Variants in MTERF4 observed in about 807,000 individuals in gnomAD.
MTERF4 encodes mitochondrial transcription termination factor 4.
In MTERF4, 17 loss-of-function variants were observed where a neutral mutation model predicts 22.5. That is an observed-to-expected ratio of 0.75 (90% CI 0.52 to 1.13). MTERF4 has a LOEUF of 1.13. MTERF4 is among the 50% of genes most tolerant of loss of function. The pLI, the probability that MTERF4 is intolerant of heterozygous loss-of-function variation, is 0.00. For synonymous variants in MTERF4, 165 were observed against 175.3 expected (o/e 0.94, Z 0.47); for missense variants, 420 against 466.8 (o/e 0.90, Z 0.92).
At chr2:241,100,211 A>G (rs1356227721) in intron 1 of MTERF4, among the ~76,000 whole-genome samples, 1 of 152,188 alleles carries the variant, frequency 6.6e-6, no homozygotes, top group African/African-American at 2.4e-5. Flanking sequence ...GTGCCAGAAA[A>G]GTCTGGACCT....
the MTERF4 span, chr2:241,063,443 T>C: frequency 3.0e-6 from 2 of 673,162 alleles, no homozygotes; most frequent in South Asian, 1.6e-5. Context: ...TTGGGGCTGA[T>C]GGAAGAAAAA....
chr2:241,063,436 G>T, the MTERF4 span: 1 of 664,040 alleles, frequency 1.5e-6, no homozygotes, highest in Non-Finnish European at 2.8e-6. Context: ...GGTGGGTTTG[G>T]GGCTGATGGA....
At chr2:241,070,447 C>A (rs1256771010), downstream of MTERF4, among the ~76,000 whole-genome samples, 2 of 152,236 alleles carry the variant, frequency 1.3e-5, no homozygotes, top group Non-Finnish European at 2.9e-5. Flanking sequence ...TCAGTTTGTG[C>A]CGGACCCTCC....
chr2:241,089,760 A>G (rs951441293), downstream of MTERF4, among the ~76,000 whole-genome samples: 3 of 152,246 alleles, frequency 2.0e-5, no homozygotes, highest in East Asian at 1.9e-4. Flanking sequence ...TTGTGAGGCA[A>G]TTTCATCTGG....
chr2:241,060,245 C>T, the MTERF4 span, among the ~76,000 whole-genome samples: 3 of 151,252 alleles, frequency 2.0e-5, no homozygotes, highest in Non-Finnish European at 4.4e-5. Flanking sequence ...TGCAGTGGCA[C>T]AATCTCGGCT....
downstream of MTERF4, chr2:241,087,720 G>A (rs2063657974): frequency 7.4e-7 from 1 of 1,351,010 alleles, no homozygotes; most frequent in Non-Finnish European, 9.5e-7. Context: ...CTCTGGTTAT[G>A]CATATTCACA....
the MTERF4 span, chr2:241,049,775 G>A: frequency 1.3e-6 from 2 of 1,501,454 alleles, no homozygotes; most frequent in Non-Finnish European, 1.9e-6. Flanking sequence ...CCGCACAGAT[G>A]CGGCGTAAGC....
the MTERF4 span, among the ~76,000 whole-genome samples, chr2:241,047,340 C>A: frequency 6.6e-6 from 1 of 152,054 alleles, no homozygotes; most frequent in Non-Finnish European, 1.5e-5. Flanking sequence ...CCTATTAACA[C>A]CTATTCACAT....
intron 4 of MTERF4, among the ~76,000 whole-genome samples, chr2:241,079,411 CAAAAAAA>C (rs757361914): frequency 1.3e-5 from 1 of 74,462 alleles, no homozygotes; most frequent in African/African-American, 4.6e-5. Flanking sequence ...GACTCCATCT[CAAAAAAA>C]AAAAAAAAAA....
chr2:241,042,688 A>G, the MTERF4 span, among the ~76,000 whole-genome samples: 8 of 152,234 alleles, frequency 5.3e-5, no homozygotes, highest in African/African-American at 9.6e-5. Context: ...ATTTTTAAAA[A>G]CTTGTAGAAA....
At chr2:241,060,807 T>G in the MTERF4 span, among the ~76,000 whole-genome samples, 4 of 152,052 alleles carry the variant, frequency 2.6e-5, no homozygotes, top group Admixed American at 2.6e-4. Flanking sequence ...GGCATGCACC[T>G]GTAGTCCCAG....
At chr2:241,045,510 A>G in the MTERF4 span, among the ~76,000 whole-genome samples, 1 of 152,154 alleles carries the variant, frequency 6.6e-6, no homozygotes, top group Admixed American at 6.5e-5. Flanking sequence ...AAATATAGCC[A>G]ATTAATTTTT....
chr2:241,095,086 TG>T (rs2064330097), downstream of MTERF4: 1 of 105,028 alleles, frequency 9.5e-6, no homozygotes, highest in Non-Finnish European at 2.2e-5. Context: ...ACACCCACCT[TG>T]GGGGGTCACG....
At chr2:241,088,178 G>C, downstream of MTERF4, 1 of 589,244 alleles carries the variant, frequency 1.7e-6, no homozygotes, top group East Asian at 2.9e-5. Context: ...ACTGCCTCAA[G>C]CCAGGCGGGC....
downstream of MTERF4, among the ~76,000 whole-genome samples, chr2:241,090,889 AAAG>A (rs1449209468): frequency 1.3e-5 from 2 of 152,030 alleles, no homozygotes; most frequent in African/African-American, 2.4e-5. Context: ...AAAAAAGAAA[AAAG>A]AATTCTGTAC....
the MTERF4 span, chr2:241,064,020 G>A: frequency 2.6e-6 from 4 of 1,552,972 alleles, no homozygotes; most frequent in Non-Finnish European, 1.7e-6. The surrounding 1 kb of genome is among the most constrained non-coding windows in gnomAD (Gnocchi z 7.0). Context: ...AGAGGTGGAC[G>A]CCTGCGACTC....
In MTERF4 at chr2:241,099,537, T is replaced by C. The variant is rs2064605695; in HGVS notation, c.379A>G (p.Ile127Val). 2 of 1,614,096 alleles carry C rather than the reference T, an allele frequency of 1.2e-6. No homozygotes were observed. Among genetic ancestry groups the C allele is most frequent in the African/African-American group, 1.3e-5 (1 of 74,932 alleles). ...CCCAAGAGAATAAATTCTGAAATGA[T>C]GTCCAGCAACTGTTGAAGACTGGCA... ...RGASLQQLLD[I>V]ISEFILLGLN... is the part of the protein sequence containing the mutation. Residue 127 changes from isoleucine (I) to valine (V), a missense_variant, in exon 2 of 4, where the codon ATC becomes GTC. Coordinates refer to ENST00000391980, the MANE Select transcript of MTERF4 (RefSeq NM_182501.4).
At chr2:241,051,367 A>T in the MTERF4 span, 1 of 201,602 alleles carries the variant, frequency 5.0e-6, no homozygotes, top group Non-Finnish European at 9.9e-6. The surrounding 1 kb of genome is among the most constrained non-coding windows in gnomAD (Gnocchi z 4.7). Context: ...CCCTGATGTC[A>T]CGGCAGATGA....
the MTERF4 span, chr2:241,052,190 C>T: frequency 6.3e-7 from 1 of 1,575,250 alleles, no homozygotes; most frequent in Non-Finnish European, 8.7e-7. Context: ...CCAGGGCGGC[C>T]AGGGGTGAAC....
Sources: gnomAD v4.1 joint callset for allele counts (sites outside exome capture counted in the v4.1 genomes callset) on GRCh38, gnomAD v4.1.1 for gene constraint, Gnocchi (gnomAD v3.1) non-coding constraint, MANE v1.5 for transcripts, NCBI Gene and HGNC (gene_info 2026-07-23, HGNC 2026-07-21) for gene names.